The following ATP8B3 variants were observed in gnomAD, a reference collection of about 807,000 sequenced individuals.
ATP8B3 encodes the protein ATPase phospholipid transporting 8B3.
Under a neutral mutation model 140.9 loss-of-function variants are expected in ATP8B3, and 141 were observed. That is an observed-to-expected ratio of 1.00 (90% CI 0.87 to 1.15). The LOEUF is 1.15. ATP8B3 is among the 50% of genes most tolerant of loss of function. The pLI, the probability that ATP8B3 is intolerant of heterozygous loss-of-function variation, is 0.00. For missense variants in ATP8B3, 1,874 were observed against 1,740.6 expected, an observed-to-expected ratio of 1.08 and a Z score of -1.36; for synonymous variants, 765 against 714.6, an observed-to-expected ratio of 1.07 and a Z score of -1.13.
chr19:1,811,970 C>T, intron 1 of ATP8B3, 86 bp from the exon 2 acceptor site: 1 of 556,630 alleles, frequency 1.8e-6, no homozygotes, highest in Non-Finnish European at 3.1e-6. Context: ...AGCCCCCCAC[C>T]CCGTCTTCCC....
chr19:1,792,756 AC>A (rs2068554131), intron 18 of ATP8B3, among the ~76,000 whole-genome samples: 2 of 151,878 alleles, frequency 1.3e-5, no homozygotes, highest in South Asian at 4.2e-4. Context: ...CACTCGAAAC[AC>A]ATAAAAAATT....
chr19:1,789,803 C>T (rs1473776755), intron 22 of ATP8B3, 76 bp from the exon 23 acceptor site: 3 of 1,575,104 alleles, frequency 1.9e-6, no homozygotes, highest in Admixed American at 3.5e-5. Context: ...CCCTCGGCCT[C>T]GCCAGCAGTC....
At chr19:1,796,323 A>G (rs2068673853) in intron 16 of ATP8B3, 58 bp from the exon 17 acceptor site, 1 of 1,439,032 alleles carries the variant, frequency 6.9e-7, no homozygotes, top group Non-Finnish European at 9.4e-7. Context: ...CCATCTCCAC[A>G]GTGCAGGGAG....
chr19:1,787,151 G>A lies in ATP8B3; in HGVS notation c.3105C>T (p.Asn1035=), dbSNP rs1291079948. The A allele has an allele frequency of 8.7e-6, 14 of 1,611,230 alleles. No individual in the cohort carries two copies. The highest frequency in any genetic ancestry group is 1.7e-5 in the Admixed American group (1 of 59,696). The stretch of plus-strand genomic sequence containing the variant: ...GAACTGGCAGGGTGCTGTACAGGAG[G>A]TTGAAAAGAGCCAGGAACCATCCTT... ...LYEGWFLALF[N]LLYSTLPVLY... The change falls in exon 25 of 29, where the codon AAC becomes AAT. Residue 1035 remains asparagine, a synonymous_variant. Coordinates refer to ENST00000310127, the MANE Select transcript of ATP8B3 (RefSeq NM_138813.4).
rs1476703510 is a variant in ATP8B3 at position 1,790,008 on chromosome 19, AGC to A, written c.2379-21_2379-20del. 6.2e-6 allele frequency: 9 copies of A among 1,458,040 alleles called. No individual in the cohort carries two copies. The highest frequency in any genetic ancestry group is 1.4e-5 in the African/African-American group (1 of 71,652). The allele number at this position is 1,458,040 out of a possible 1,614,324, so 90.3% of individuals were successfully genotyped here. ...GATGCGGCTGCGGGGCGCAGGGGTCAGCGGGGCAGGGGAGGGGGCGGGCTTCT... is the reference window on the plus strand; with the variant it reads ...GATGCGGCTGCGGGGCGCAGGGGTCAGGGGCAGGGGAGGGGGCGGGCTTCT... On this transcript the variant is annotated intron_variant, in intron 21 of 28. Transcript: ENST00000310127.
At chr19:1,809,071 G>A (rs576163246) in intron 4 of ATP8B3, among the ~76,000 whole-genome samples, 1 of 152,262 alleles carries the variant, frequency 6.6e-6, no homozygotes, top group Admixed American at 6.5e-5. Flanking sequence ...CTACTTGGGA[G>A]TCTCAGGCAG....
At chr19:1,788,754 C>T (rs1208285253) in intron 24 of ATP8B3, 143 bp downstream of exon 24, 1 of 768,238 alleles carries the variant, frequency 1.3e-6, no homozygotes, top group Non-Finnish European at 2.1e-6. Context: ...ACTAACGCAG[C>T]CTTGCCATGT....
In ATP8B3 at chr19:1,789,110, C is replaced by T. The variant is rs2068400050; in HGVS notation, c.2856G>A (p.Val952=). 6.3e-7 allele frequency: 1 copy of T among 1,588,014 alleles called. No individual in the cohort carries two copies. The highest frequency in any genetic ancestry group is 1.7e-5 in the Admixed American group (1 of 57,998). The stretch of plus-strand genomic sequence containing the variant: ...CCTCCTGGCCCGCCAGCCCCACGCC[C>T]ACGTCCGCGGCTGCAGGGCACAAGC... ...NDINMIKTAD[V]GVGLAGQEGM... Residue 952 remains valine, a synonymous_variant, in exon 24 of 29, where the codon GTG becomes GTA. Transcript: ENST00000310127.
Position 1,782,774 on chromosome 19 carries a change from G to C in ATP8B3, c.*254C>G. ...CTTGGTCAACAGCAACTTCTCAGGA[G>C]AAGGTGGCCTCTGCTTGGGTGACAA... On this transcript the variant is annotated 3_prime_UTR_variant, in exon 29 of 29. Transcript: ENST00000310127. 1.9e-6 allele frequency: 1 copy of C among 514,446 alleles called. No homozygotes were observed. The allele number at this position is 514,446 out of a possible 1,614,324, so 31.9% of individuals were successfully genotyped here.
In ATP8B3 at chr19:1,789,148, C is replaced by T. The variant is rs749734594; in HGVS notation, c.2846-28G>A. The T allele has an allele frequency of 4.8e-5, 72 of 1,496,750 alleles. No individual in the cohort carries two copies. The African/African-American group carries it at 9.5e-4, about 20-fold the overall frequency. 92.7% of individuals were successfully genotyped at this position (1,496,750 alleles called of 1,614,324 possible). ...GCAGGGCACAAGCAGCTGGTCAGCC[C>T]CCCGCACGCCCCCAGTCCCGCCCGC... On this transcript the variant is annotated intron_variant, in intron 23 of 28. Coordinates refer to ENST00000310127, the MANE Select transcript of ATP8B3 (RefSeq NM_138813.4).
Position 1,789,614 on chromosome 19 carries a change from C to G in ATP8B3, c.2592G>C (p.Arg864Ser), listed in dbSNP as rs1304674475. 1.3e-6 allele frequency: 2 copies of G among 1,592,648 alleles called. No individual in the cohort carries two copies. Among genetic ancestry groups the G allele is most frequent in the Admixed American group, 3.4e-5 (2 of 58,188 alleles). ...GQSRRDFLYA[R>S]RLSLLCRRFG... The stretch of plus-strand genomic sequence containing the variant: ...ACCTCCGGCACAGCAGGGACAGGCG[C>G]CTGGCGTAGAGGAAATCCCTCCTGG... The change falls in exon 23 of 29, where the codon AGG becomes AGC. Residue 864 changes from arginine to serine, a missense_variant. Coordinates refer to ENST00000310127, the MANE Select transcript of ATP8B3 (RefSeq NM_138813.4).
Position 1,783,033 on chromosome 19 carries a change from G to A in ATP8B3, c.3898C>T (p.Gln1300Ter), listed in dbSNP as rs1412789251. ...EEAASSPKES[Q>*] ...AAGGACATCTTCCTGAGGTGTCACTGTGACTCTTTTGGGCTCGAAGCTGCC... is the reference window on the plus strand; with the variant it reads ...AAGGACATCTTCCTGAGGTGTCACTATGACTCTTTTGGGCTCGAAGCTGCC... Residue 1300 changes from glutamine to a stop codon, truncating the protein, a stop_gained, in exon 29 of 29, where the codon CAG (glutamine) becomes TAG (stop). Transcript: ENST00000310127. LOFTEE classifies it high-confidence loss of function. 6.2e-7 allele frequency: 1 copy of A among 1,604,974 alleles called. No individual in the cohort carries two copies. Among genetic ancestry groups the A allele is most frequent in the Non-Finnish European group, 8.5e-7 (1 of 1,176,004 alleles).
At position 1,806,143 on chromosome 19, in the gene ATP8B3, A is replaced by C; in HGVS notation, c.704T>G (p.Leu235Arg). 6.3e-7 allele frequency: 1 copy of C among 1,599,794 alleles called. No homozygotes were observed. Among genetic ancestry groups the C allele is most frequent in the Non-Finnish European group, 8.5e-7 (1 of 1,173,804 alleles). Residue 235 changes from leucine to arginine, a missense_variant, in exon 8 of 29, where the codon CTG (leucine) becomes CGG (arginine). Leu to Arg is a moderately radical substitution (Grantham distance 102, BLOSUM62 -2). This residue lies in a region of ATP8B3 where 1,032 missense variants were observed against 963.6 expected (regional missense o/e 1.07). Transcript: ENST00000310127. This position sits in a 1 kb window ranked among gnomAD's most constrained non-coding sequence, Gnocchi z 5.6. ...GAGACAGACCACATCCCCCACGCAC[A>C]GATCCTGCCATTTCTTCTGCTTGAA... ...KSFKQKKWQDLCVGDVVCLRK... is the reference protein window; with the variant it reads ...KSFKQKKWQDRCVGDVVCLRK...
chr19:1,796,049 G>A (rs1568636523), intron 17 of ATP8B3, 28 bp downstream of exon 17: 4 of 1,611,792 alleles, frequency 2.5e-6, no homozygotes, highest in South Asian at 1.1e-5. Flanking sequence ...CACCTTGGGG[G>A]GCCCAGGGCT....
At position 1,788,954 on chromosome 19, in the gene ATP8B3, G is replaced by T; in HGVS notation, c.3012C>A (p.Ser1004Arg). The T allele has an allele frequency of 6.2e-7, 1 of 1,608,938 alleles. No individual in the cohort carries two copies. Residue 1004 changes from serine (S) to arginine (R), a missense_variant, in exon 24 of 29, where the codon AGC (serine) becomes AGA (arginine). Physicochemically the swap from Ser to Arg is moderately radical, Grantham distance 110. Transcript: ENST00000310127. ...CKFLRYFFYK[S>R]MASMMVQVWF... is the part of the protein sequence containing the mutation. ...AGACCTGCACCATCATGCTGGCCATGCTCTTGTAGAAGAAGTAGCGCAGGA... is the reference window on the plus strand; with the variant it reads ...AGACCTGCACCATCATGCTGGCCATTCTCTTGTAGAAGAAGTAGCGCAGGA...
intron 25 of ATP8B3, 104 bp from the exon 26 acceptor site, chr19:1,785,812 G>T: frequency 7.8e-7 from 1 of 1,275,180 alleles, no homozygotes; most frequent in Non-Finnish European, 1.1e-6. Context: ...CTCTCTGTGT[G>T]TGGCTCTTTG....
In ATP8B3 at chr19:1,811,709, TG is replaced by T. The variant is rs1403006812; in HGVS notation, c.27del (p.Arg10GlyfsTer24). MGTGPAQTPRSTRAGPEPS... is the reference protein window; with the variant it reads MGTGPAQTXRSTRAGPEPS... ...GGCTCAGGGCCAGCTCTGGTGCTCC[TG>T]GGAGTCTGAGCGGGGCCAGTGCCCA... On this transcript the variant is annotated frameshift_variant, in exon 2 of 29. Coordinates refer to ENST00000310127, the MANE Select transcript of ATP8B3 (RefSeq NM_138813.4). LOFTEE classifies it high-confidence loss of function. 6.2e-7 allele frequency: 1 copy of T among 1,602,752 alleles called. No homozygotes were observed. The highest frequency in any genetic ancestry group is 8.5e-7 in the Non-Finnish European group (1 of 1,178,224).
chr19:1,809,401 A>G (rs1397567115), intron 4 of ATP8B3, among the ~76,000 whole-genome samples: 1 of 150,786 alleles, frequency 6.6e-6, no homozygotes, highest in African/African-American at 2.5e-5. Context: ...GAATTGCTTG[A>G]ACCCCGGAGG....
chr19:1,799,141 T>C (rs2068765830), intron 14 of ATP8B3: 1 of 148,408 alleles, frequency 6.7e-6, no homozygotes, highest in Non-Finnish European at 1.5e-5. Context: ...AGACCCCATC[T>C]CAAAAAATAA....
Sources: gnomAD v4.1 joint callset for allele counts (sites outside exome capture counted in the v4.1 genomes callset) on GRCh38, gnomAD v4.1.1 for gene constraint, gnomAD v4.1.1 regional missense constraint, Gnocchi (gnomAD v3.1) non-coding constraint, MANE v1.5 for transcripts, NCBI Gene and HGNC (gene_info 2026-07-23, HGNC 2026-07-21) for gene names.